The following NRF1 variants were observed in gnomAD, a reference collection of about 807,000 sequenced individuals.
NRF1 encodes alpha palindromic-binding protein.
In NRF1, 5 loss-of-function variants were observed where a neutral mutation model predicts 58.5. The ratio of observed to expected loss-of-function variants is 0.09; its 90% CI spans 0.04 to 0.18. The LOEUF is 0.18. Among genes scored for constraint, NRF1 ranks in the 10% least tolerant of loss-of-function variants. The pLI, the probability that NRF1 is intolerant of heterozygous loss-of-function variation, is 1.00. For synonymous variants in NRF1, 224 were observed against 246.7 expected, an observed-to-expected ratio of 0.91 and a Z score of 0.86; for missense variants, 288 against 657.7, an observed-to-expected ratio of 0.44 and a Z score of 6.15.
chr7:129,661,640 C>T (rs1200710323), intron 2 of NRF1, among the ~76,000 whole-genome samples: 2 of 150,958 alleles, frequency 1.3e-5, no homozygotes, highest in Non-Finnish European at 2.9e-5. Flanking sequence ...CCACCTGAGA[C>T]CACATCAACC....
At position 129,709,215 on chromosome 7, in the gene NRF1, A is replaced by G. The variant is rs1429803173; in HGVS notation, c.747A>G (p.Thr249=). 2.6e-6 allele frequency: 4 copies of G among 1,512,094 alleles called. No homozygotes were observed. The highest frequency in any genetic ancestry group is 3.6e-6 in the Non-Finnish European group (4 of 1,123,570). 93.7% of individuals were successfully genotyped at this position (1,512,094 alleles called of 1,614,324 possible). A position where few individuals can be genotyped will look rare whatever the true frequency, so the allele number is the denominator to read the frequency against. ...CAAATGTCCGGAGTGATGTCCGCACAGAAGAGCAAAAGCAGAGGGTGAGAG... is the reference window on the plus strand; with the variant it reads ...CAAATGTCCGGAGTGATGTCCGCACGGAAGAGCAAAAGCAGAGGGTGAGAG... ...PWANVRSDVR[T]EEQKQRVSWT... The change falls in exon 6 of 11, where the codon ACA becomes ACG. Residue 249 remains threonine (T), a synonymous_variant. Transcript: ENST00000393232.
At chr7:129,685,556 A>AGTGTGTGTGTGTGTGTGT (rs67721424) in intron 4 of NRF1, among the ~76,000 whole-genome samples, 3 of 142,998 alleles carry the variant, frequency 2.1e-5, no homozygotes, top group African/African-American at 8.0e-5. Context: ...GTCTCATTCA[A>AGTGTGTGTGTGTGTGTGT]GTGTGTGTGT....
chr7:129,662,579 A>G (rs73470452), intron 2 of NRF1, among the ~76,000 whole-genome samples: 4,651 of 152,100 alleles, frequency 0.031, 240 homozygotes, highest in African/African-American at 0.1. Context: ...TTGGTGTACT[A>G]TTATATTTCA....
chr7:129,734,757 G>C (rs181921770), intron 10 of NRF1, among the ~76,000 whole-genome samples: 346 of 152,386 alleles, frequency 2.3e-3, no homozygotes, highest in Non-Finnish European at 3.6e-3. Context: ...CTTGACTGGA[G>C]TTGGGTGGTG....
At chr7:129,750,956 G>GCTGA (rs938870984) in intron 10 of NRF1, among the ~76,000 whole-genome samples, 2 of 152,208 alleles carry the variant, frequency 1.3e-5, no homozygotes, top group Non-Finnish European at 2.9e-5. Context: ...TCCAGCACCT[G>GCTGA]CTGACTGCTG....
intron 10 of NRF1, 117 bp from the exon 11 acceptor site, chr7:129,754,901 A>G: frequency 1.0e-6 from 1 of 965,308 alleles, no homozygotes; most frequent in African/African-American, 1.7e-5. Flanking sequence ...TGGGTATGTG[A>G]TCACCTGAGG....
chr7:129,619,385 T>C (rs1800720798), intron 1 of NRF1, among the ~76,000 whole-genome samples: 1 of 109,180 alleles, frequency 9.2e-6, no homozygotes, highest in African/African-American at 3.6e-5. Context: ...AAAACTGGAC[T>C]TGGCATACGT....
rs187340827 is a variant in NRF1, at chr7:129,735,587, A to T, written c.1348+8222A>T. Among the ~76,000 whole-genome samples the T allele has an allele frequency of 3.1e-3, 471 of 152,360 alleles. 2 individuals carry two copies. The highest frequency in any genetic ancestry group is 5.9e-3 in the Non-Finnish European group (400 of 68,042). On this transcript the variant is annotated intron_variant, in intron 10 of 10. Coordinates refer to ENST00000393232, the MANE Select transcript of NRF1 (RefSeq NM_005011.5). ...TTAAAGCTGATGACAAGGCATTGTCATTACACTTAGAGAAGGAACAGCCCT... is the reference window on the plus strand; with the variant it reads ...TTAAAGCTGATGACAAGGCATTGTCTTTACACTTAGAGAAGGAACAGCCCT...
chr7:129,747,282 A>G (rs776216274), intron 10 of NRF1, among the ~76,000 whole-genome samples: 5 of 152,228 alleles, frequency 3.3e-5, no homozygotes, highest in Admixed American at 1.3e-4. Flanking sequence ...GTGCAGTGCC[A>G]GTTCTGACCA....
chr7:129,667,641 G>A (rs948866572), intron 2 of NRF1, among the ~76,000 whole-genome samples: 15 of 150,816 alleles, frequency 9.9e-5, no homozygotes, highest in Admixed American at 5.3e-4. Context: ...TTATCCTTTC[G>A]GGATCTTGTT....
intron 4 of NRF1, among the ~76,000 whole-genome samples, chr7:129,686,642 A>G (rs1366166144): frequency 6.6e-6 from 1 of 152,278 alleles, no homozygotes; most frequent in African/African-American, 2.4e-5. Context: ...TGCTTGGCAC[A>G]AAGTAAGTGC....
intron 4 of NRF1, among the ~76,000 whole-genome samples, chr7:129,682,630 TAAAAAAA>T (rs771494622): frequency 4.0e-4 from 35 of 87,872 alleles, no homozygotes; most frequent in Middle Eastern, 6.0e-3. Flanking sequence ...CAAAAAAATG[TAAAAAAA>T]AAAAAAAAAA....
chr7:129,651,318 G>A (rs1386399160), intron 1 of NRF1, among the ~76,000 whole-genome samples: 1 of 151,878 alleles, frequency 6.6e-6, no homozygotes, highest in African/African-American at 2.4e-5. Flanking sequence ...TACTTGGGAG[G>A]CTGAGGCACG....
At chr7:129,744,130 CTTTTTTTT>C in intron 10 of NRF1, 2 of 1,211,560 alleles carry the variant, frequency 1.7e-6, no homozygotes, top group Non-Finnish European at 1.1e-6. Context: ...TTGCCCGGTG[CTTTTTTTT>C]TTTTTTTTTT....
intron 1 of NRF1, among the ~76,000 whole-genome samples, chr7:129,634,061 T>TATACACACACAC (rs764569771): frequency 1.5e-5 from 2 of 131,466 alleles, no homozygotes; most frequent in Non-Finnish European, 3.2e-5. Flanking sequence ...TATATATATA[T>TATACACACACAC]ACACACACAC....
At chr7:129,723,300 G>A (rs1432805100) in intron 9 of NRF1, among the ~76,000 whole-genome samples, 2 of 151,996 alleles carry the variant, frequency 1.3e-5, no homozygotes, top group East Asian at 1.9e-4. Context: ...AAAATTAGCC[G>A]GGCATGGTGG....
At chr7:129,737,460 T>C (rs1803743066) in intron 10 of NRF1, among the ~76,000 whole-genome samples, 1 of 152,206 alleles carries the variant, frequency 6.6e-6, no homozygotes, top group Non-Finnish European at 1.5e-5. Context: ...TTCCTTTTTG[T>C]CACCACCATC....
chr7:129,635,026 G>T (rs963628867), intron 1 of NRF1, among the ~76,000 whole-genome samples: 2 of 151,746 alleles, frequency 1.3e-5, no homozygotes, highest in Admixed American at 6.6e-5. Context: ...TACCAGTTCT[G>T]CTTTGTCCTC....
chr7:129,736,498 C>T (rs117500078), intron 10 of NRF1, among the ~76,000 whole-genome samples: 3,662 of 152,024 alleles, frequency 0.024, 70 homozygotes, highest in Non-Finnish European at 0.031. Context: ...CTCAAATGAT[C>T]CGGCCTCCCA....
Sources: allele counts gnomAD v4.1 joint callset (sites outside exome capture counted in the v4.1 genomes callset), GRCh38; gene constraint gnomAD v4.1.1; transcripts MANE v1.5; gene names NCBI Gene and HGNC (gene_info 2026-07-23, HGNC 2026-07-21).